MTTP: variants seen among roughly 807,000 people sequenced by gnomAD.
MTTP encodes microsomal triglyceride transfer protein.
MTTP carries 49 observed loss-of-function variants against 90.6 expected under a neutral mutation model. The observed-to-expected ratio is 0.54, with a 90% CI of 0.43 to 0.69. The LOEUF (loss-of-function observed/expected upper bound fraction) is 0.69. Ranked by LOEUF, MTTP falls within the 30% of genes least tolerant of loss-of-function variation. The pLI, the probability that MTTP is intolerant of heterozygous loss-of-function variation, is 0.00. For missense variants in MTTP, 945 were observed against 1,067.5 expected (o/e 0.89, Z 1.60); for synonymous variants, 347 against 384.2 (o/e 0.90, Z 1.13).
At chr4:99,596,019 A>G (rs1451283102) in intron 7 of MTTP, among the ~76,000 whole-genome samples, 2 of 152,064 alleles carry the variant, frequency 1.3e-5, no homozygotes, top group Non-Finnish European at 2.9e-5. Context: ...TTGCTTTTGT[A>G]AATTCTATTG....
At position 99,608,994 on chromosome 4, in the gene MTTP, A is replaced by G. The variant is rs375057272; in HGVS notation, c.1769+17A>G. 2.1e-5 allele frequency: 33 copies of G among 1,592,502 alleles called. No individual in the cohort carries two copies. The African/African-American group carries it at 3.6e-4, about 17-fold the overall frequency. On this transcript the variant is annotated intron_variant, in intron 12 of 17. Transcript: ENST00000265517. ...GCCTGCAAGGTATAATACATTGCACATGTCTCTCTGTGTATTCAAGCTTAT... is the reference window on the plus strand; with the variant it reads ...GCCTGCAAGGTATAATACATTGCACGTGTCTCTCTGTGTATTCAAGCTTAT...
intron 1 of MTTP, among the ~76,000 whole-genome samples, chr4:99,581,290 A>G (rs937695342): frequency 1.3e-5 from 2 of 152,216 alleles, no homozygotes; most frequent in African/African-American, 4.8e-5. Flanking sequence ...TTAAGCCTGT[A>G]CTAAGATTTC....
chr4:99,570,901 G>A (rs1346587467), upstream of MTTP: 1 of 390,348 alleles, frequency 2.6e-6, no homozygotes, highest in Non-Finnish European at 5.0e-6. Flanking sequence ...CCTCCAGAAA[G>A]GGATACACCT....
At chr4:99,573,731 G>C (rs1472444646), upstream of MTTP, among the ~76,000 whole-genome samples, 1 of 152,156 alleles carries the variant, frequency 6.6e-6, no homozygotes, top group Non-Finnish European at 1.5e-5. Context: ...AAAGGGTTTT[G>C]AGAGTGACCA....
rs1473543021 is a variant in MTTP, at chr4:99,583,366, T to G, written c.250-8T>G. 1 of 1,612,788 alleles carries G rather than the reference T, an allele frequency of 6.2e-7. No homozygotes were observed. The highest frequency in any genetic ancestry group is 8.5e-7 in the Non-Finnish European group (1 of 1,179,508). On this transcript the variant is annotated splice_polypyrimidine_tract_variant and splice_region_variant and intron_variant, in intron 2 of 17. Coordinates refer to ENST00000265517, the MANE Select transcript of MTTP (RefSeq NM_001386140.1). ...TTTTTTTTAACAGCTTTCTTTCTGTTACTCCAGATGAAGGATGTAAATGTT... is the reference window on the plus strand; with the variant it reads ...TTTTTTTTAACAGCTTTCTTTCTGTGACTCCAGATGAAGGATGTAAATGTT...
intron 1 of MTTP, among the ~76,000 whole-genome samples, chr4:99,566,187 G>A (rs1469822702): frequency 6.6e-6 from 1 of 151,664 alleles, no homozygotes; most frequent in Non-Finnish European, 1.5e-5. Flanking sequence ...TACTCCGGAG[G>A]CTGAGGCAGG....
At chr4:99,592,544 A>G (rs928309038) in intron 6 of MTTP, among the ~76,000 whole-genome samples, 1 of 151,518 alleles carries the variant, frequency 6.6e-6, no homozygotes, top group Non-Finnish European at 1.5e-5. Context: ...TTTTCTTTTA[A>G]AAATTTCTGG....
chr4:99,601,726 T>A lies in MTTP; in HGVS notation c.1344+12T>A. On this transcript the variant is annotated intron_variant, in intron 10 of 17. Coordinates refer to ENST00000265517, the MANE Select transcript of MTTP (RefSeq NM_001386140.1). ...GCTGCAAACTCAAAGTAAGTGCAAA[T>A]CCAATCTCATGTATTACATCATTCT... 6.4e-7 allele frequency: 1 copy of A among 1,573,638 alleles called. No homozygotes were observed. Among genetic ancestry groups the A allele is most frequent in the Non-Finnish European group, 8.7e-7 (1 of 1,143,618 alleles).
At chr4:99,602,064 T>C (rs940316172) in intron 10 of MTTP, among the ~76,000 whole-genome samples, 4 of 152,212 alleles carry the variant, frequency 2.6e-5, no homozygotes, top group African/African-American at 7.2e-5. Context: ...GTGCCCACTA[T>C]GTACTCAGTT....
chr4:99,564,195 A>ACC (rs1560607654), exon 1 of MTTP: 10 of 1,535,658 alleles, frequency 6.5e-6, no homozygotes, highest in Non-Finnish European at 8.7e-6. Flanking sequence ...CCGTTCAAGA[A>ACC]TTAAGTGTGT....
rs1301652622 is a variant in MTTP at position 99,623,040 on chromosome 4, G to T, written c.*192G>T. The T allele has an allele frequency of 1.6e-6, 1 of 627,908 alleles. No individual in the cohort carries two copies. The highest frequency in any genetic ancestry group is 2.8e-6 in the Non-Finnish European group (1 of 353,202). The allele number at this position is 627,908 out of a possible 1,614,324, so 38.9% of individuals were successfully genotyped here. ...AGTATGCTACCCACAGCGTCATTTT[G>T]AATCATCATGTGACGCTTTCAACAA... On this transcript the variant is annotated 3_prime_UTR_variant, in exon 18 of 18. Transcript: ENST00000265517.
chr4:99,580,556 CAG>C (rs1403812416), intron 1 of MTTP, among the ~76,000 whole-genome samples: 9 of 87,854 alleles, frequency 1.0e-4, no homozygotes, highest in Non-Finnish European at 1.6e-4. Flanking sequence ...GCCTGGCCGA[CAG>C]AGTGAGACTC....
intron 4 of MTTP, among the ~76,000 whole-genome samples, chr4:99,590,686 T>A (rs1167806225): frequency 2.0e-5 from 3 of 152,090 alleles, no homozygotes. Context: ...AGGAAAAAGC[T>A]CAGAGAAGCT....
chr4:99,611,886 T>C (rs894153020), intron 14 of MTTP, among the ~76,000 whole-genome samples: 15 of 152,172 alleles, frequency 9.9e-5, no homozygotes, highest in African/African-American at 3.6e-4. Flanking sequence ...TTCCCCATAA[T>C]AAAACCCTTC....
intron 1 of MTTP, among the ~76,000 whole-genome samples, chr4:99,579,194 T>C (rs1177725918): frequency 1.3e-5 from 2 of 152,218 alleles, no homozygotes; most frequent in African/African-American, 4.8e-5. Flanking sequence ...TTGATTCCTA[T>C]GAAAATGCTT....
intron 1 of MTTP, among the ~76,000 whole-genome samples, chr4:99,580,607 T>C (rs1270139036): frequency 8.1e-6 from 1 of 124,120 alleles, no homozygotes; most frequent in African/African-American, 3.2e-5. Context: ...AAAAGAATCA[T>C]GTCTCTATGA....
rs111417359 is a variant in MTTP, at chr4:99,605,869, A to ATGTGTGTGTGTGTGTGTGTGTGTGTG, written c.1345-860_1345-859insGTGTGTGTGTGTGTGTGTGTGTGTGT. ...TCATCCATTCTCCCCAACCCCATGT[A>ATGTGTGTGTGTGTGTGTGTGTGTGTG]TGTGTGTGTGTGTGTGTGTATGTGT... On this transcript the variant is annotated intron_variant, in intron 10 of 17. Coordinates refer to ENST00000265517, the MANE Select transcript of MTTP (RefSeq NM_001386140.1). Among the ~76,000 whole-genome samples, 875 of 149,266 alleles carry ATGTGTGTGTGTGTGTGTGTGTGTGTG rather than the reference A, an allele frequency of 5.9e-3. 5 individuals are homozygous for ATGTGTGTGTGTGTGTGTGTGTGTGTG. The highest frequency in any genetic ancestry group is 0.018 in the African/African-American group (734 of 40,130).
chr4:99,564,774 A>G (rs1450342921), intron 1 of MTTP, among the ~76,000 whole-genome samples: 1 of 152,192 alleles, frequency 6.6e-6, no homozygotes, highest in African/African-American at 2.4e-5. Context: ...CTCATATAGA[A>G]AGAATTTTGA....
rs184178295 is a variant in MTTP, at chr4:99,581,612, G to T, written c.62-293G>T. Reference sequence around the variant, plus strand: ...TCATATAATTAAGAGAAATACAATGGCATTTAAACAAAAAAAAACCCAAAA... The same window carrying T: ...TCATATAATTAAGAGAAATACAATGTCATTTAAACAAAAAAAAACCCAAAA... On this transcript the variant is annotated intron_variant, in intron 1 of 17. Transcript: ENST00000265517. 6.9e-4 allele frequency among the ~76,000 whole-genome samples: 98 copies of T among 142,306 alleles called. 1 individual carries two copies. Among genetic ancestry groups the T allele is most frequent in the Non-Finnish European group, 1.1e-4 (7 of 64,092 alleles). 93.4% of individuals were successfully genotyped at this position (142,306 alleles called of 152,430 possible).
Sources: allele counts gnomAD v4.1 joint callset (sites outside exome capture counted in the v4.1 genomes callset), GRCh38; gene constraint gnomAD v4.1.1; transcripts MANE v1.5; gene names NCBI Gene and HGNC (gene_info 2026-07-23, HGNC 2026-07-21).